SHISA6: variants seen among roughly 807,000 people sequenced by gnomAD.
SHISA6 encodes the protein shisa family member 6, also known as protein shisa-6.
Under a neutral mutation model 47.9 loss-of-function variants are expected in SHISA6, and 22 were observed. The observed-to-expected ratio is 0.46, with a 90% CI of 0.33 to 0.66. The LOEUF (loss-of-function observed/expected upper bound fraction) is 0.66. Among genes scored for constraint, SHISA6 ranks in the 30% least tolerant of loss-of-function variants. SHISA6 has a pLI of 0.02. For synonymous variants in SHISA6, 388 were observed against 337.8 expected, an observed-to-expected ratio of 1.15 and a Z score of -1.63; for missense variants, 680 against 764.6, an observed-to-expected ratio of 0.89 and a Z score of 1.30.
intron 3 of SHISA6, among the ~76,000 whole-genome samples, chr17:11,531,085 T>C (rs1049131497): frequency 8.5e-5 from 13 of 152,240 alleles, no homozygotes; most frequent in South Asian, 4.2e-4. Flanking sequence ...CTGTGCAGTA[T>C]TGATAAACAA....
At chr17:11,398,957 AT>A (rs35318288) in intron 3 of SHISA6, among the ~76,000 whole-genome samples, 52,608 of 145,866 alleles carry the variant, frequency 0.36, 9,469 homozygotes, top group Middle Eastern at 0.43. Context: ...TACCTAGGTT[AT>A]TTTTTTTTTT....
intron 3 of SHISA6, among the ~76,000 whole-genome samples, chr17:11,414,128 C>T (rs1007236501): frequency 6.6e-6 from 1 of 151,742 alleles, no homozygotes; most frequent in Non-Finnish European, 1.5e-5. Flanking sequence ...CCTCCTTCTC[C>T]TCCTCCTTAT....
intron 3 of SHISA6, among the ~76,000 whole-genome samples, chr17:11,532,342 T>C (rs369239795): frequency 2.0e-5 from 3 of 152,196 alleles, no homozygotes; most frequent in African/African-American, 7.2e-5. Context: ...GTGTTAACAG[T>C]GGGTATCAGA....
At chr17:11,425,968 C>G (rs1914600555) in intron 3 of SHISA6, among the ~76,000 whole-genome samples, 1 of 152,200 alleles carries the variant, frequency 6.6e-6, no homozygotes. Context: ...ATGCACTGAT[C>G]AACTTGAGCC....
chr17:11,434,963 AT>A (rs1282484836), intron 3 of SHISA6, among the ~76,000 whole-genome samples: 1 of 152,186 alleles, frequency 6.6e-6, no homozygotes. Context: ...CTCAAAATTC[AT>A]ATGTTGAAGT....
Position 11,295,168 on chromosome 17 carries a change from T to A in SHISA6, c.799+31642T>A, listed in dbSNP as rs548425013. Among the ~76,000 whole-genome samples the A allele has an allele frequency of 2.0e-5, 3 of 152,260 alleles. No individual in the cohort carries two copies. In the South Asian group the frequency reaches 6.2e-4, roughly 32 times the overall value. ...CTTATGAGTTGTTTACTTCTGGAAATTTCTATTTAATATTTTCAGACTGCA... is the reference window on the plus strand; with the variant it reads ...CTTATGAGTTGTTTACTTCTGGAAAATTCTATTTAATATTTTCAGACTGCA... On this transcript the variant is annotated intron_variant, in intron 2 of 5. Coordinates refer to ENST00000441885, the MANE Select transcript of SHISA6 (RefSeq NM_207386.4).
At chr17:11,369,093 T>C (rs570813884) in intron 2 of SHISA6, among the ~76,000 whole-genome samples, 7 of 152,332 alleles carry the variant, frequency 4.6e-5, no homozygotes, top group African/African-American at 1.4e-4. Context: ...GAAAGACTTA[T>C]TGGAAGTCTA....
chr17:11,400,762 C>T (rs550641057), intron 3 of SHISA6, among the ~76,000 whole-genome samples: 1 of 152,238 alleles, frequency 6.6e-6, no homozygotes, highest in South Asian at 2.1e-4. Flanking sequence ...TGTGGGTAGC[C>T]TGCCTGGTGT....
intron 2 of SHISA6, among the ~76,000 whole-genome samples, chr17:11,273,011 G>A (rs1011580715): frequency 3.9e-5 from 6 of 152,190 alleles, no homozygotes; most frequent in Non-Finnish European, 5.9e-5. Flanking sequence ...ACGGCTCCCA[G>A]GAAAGCTGGA....
chr17:11,241,369 CG>C lies in SHISA6; in HGVS notation c.-49del, dbSNP rs918317862. The C allele has an allele frequency of 7.9e-6, 8 of 1,016,452 alleles. No homozygotes were observed. In the African/African-American group the frequency reaches 8.7e-5, roughly 11 times the overall value. The allele number at this position is 1,016,452 out of a possible 1,614,324, so 63.0% of individuals were successfully genotyped here. A position where few individuals can be genotyped will look rare whatever the true frequency, so the allele number is the denominator to read the frequency against. On this transcript the variant is annotated 5_prime_UTR_variant, in exon 1 of 6. Transcript: ENST00000441885. This position sits in a 1 kb window ranked among gnomAD's most constrained non-coding sequence, Gnocchi z 5.5. ...GGCGGGTCCTCCGAGCCCGGCCCGC[CG>C]GGGGAGCGGCCTGCCGCGGAAGCCT...
intron 1 of SHISA6, among the ~76,000 whole-genome samples, chr17:11,258,127 T>A (rs951670902): frequency 2.0e-5 from 3 of 152,362 alleles, no homozygotes; most frequent in African/African-American, 7.2e-5. Flanking sequence ...ATTCACGGAA[T>A]AGTTCATCTA....
chr17:11,531,096 A>C (rs1398287338), intron 3 of SHISA6, among the ~76,000 whole-genome samples: 1 of 152,098 alleles, frequency 6.6e-6, no homozygotes, highest in Non-Finnish European at 1.5e-5. Flanking sequence ...TGATAAACAA[A>C]GAAACAGCTC....
intron 1 of SHISA6, among the ~76,000 whole-genome samples, chr17:11,261,245 A>G (rs568857342): frequency 1.3e-5 from 2 of 152,262 alleles, no homozygotes; most frequent in South Asian, 2.1e-4. Context: ...ATCCTGGAGA[A>G]TGGTCACACA....
At chr17:11,401,765 CG>C (rs1913782008) in intron 3 of SHISA6, among the ~76,000 whole-genome samples, 1 of 152,188 alleles carries the variant, frequency 6.6e-6, no homozygotes, top group Non-Finnish European at 1.5e-5. Flanking sequence ...TTTATACTAA[CG>C]GAGGTTCTGC....
At chr17:11,469,175 G>A (rs138686298) in intron 3 of SHISA6, among the ~76,000 whole-genome samples, 29 of 151,966 alleles carry the variant, frequency 1.9e-4, no homozygotes, top group African/African-American at 5.1e-4. Flanking sequence ...CAGAACCTGC[G>A]AATATGGTGC....
At chr17:11,389,543 G>A (rs555829438) in intron 3 of SHISA6, among the ~76,000 whole-genome samples, 1 of 152,310 alleles carries the variant, frequency 6.6e-6, no homozygotes, top group East Asian at 1.9e-4. Flanking sequence ...GGAGGCTCAC[G>A]GGAAGTCTGT....
At chr17:11,376,526 A>G (rs1912807653) in intron 2 of SHISA6, among the ~76,000 whole-genome samples, 1 of 151,888 alleles carries the variant, frequency 6.6e-6, no homozygotes, top group Non-Finnish European at 1.5e-5. Flanking sequence ...GGGTTTTGCC[A>G]TGTTAGCCAG....
intron 1 of SHISA6, among the ~76,000 whole-genome samples, chr17:11,248,560 G>T (rs1158134619): frequency 6.6e-6 from 1 of 152,200 alleles, no homozygotes; most frequent in African/African-American, 2.4e-5. Context: ...CCTTAGAGAT[G>T]TGAGTTACAG....
intron 2 of SHISA6, among the ~76,000 whole-genome samples, chr17:11,278,925 C>T (rs1278741813): frequency 6.6e-6 from 1 of 152,196 alleles, no homozygotes; most frequent in Admixed American, 6.5e-5. Context: ...CCGAGGCAGG[C>T]AGAGACACTG....
Sources: allele counts gnomAD v4.1 joint callset (sites outside exome capture counted in the v4.1 genomes callset), GRCh38; gene constraint gnomAD v4.1.1; non-coding constraint Gnocchi (gnomAD v3.1); transcripts MANE v1.5; gene names NCBI Gene and HGNC (gene_info 2026-07-23, HGNC 2026-07-21).